Variants in SHC3 observed in about 807,000 individuals in gnomAD.
The protein encoded by SHC3 is SHC adaptor protein 3, also known as SHC-transforming protein 3.
SHC3 carries 15 observed loss-of-function variants against 60.4 expected under a neutral mutation model. The observed-to-expected ratio is 0.25, with a 90% CI of 0.17 to 0.38. The LOEUF is 0.38. Ranked by LOEUF, SHC3 falls within the 10% of genes least tolerant of loss-of-function variation. SHC3 has a pLI of 1.00. For missense variants in SHC3, 677 were observed against 786.1 expected, an observed-to-expected ratio of 0.86 and a Z score of 1.66; for synonymous variants, 294 against 325.9, an observed-to-expected ratio of 0.90 and a Z score of 1.05.
At position 89,056,426 on chromosome 9, in the gene SHC3, A is replaced by G. The variant is rs954463425; in HGVS notation, c.836-4263T>C. Among the ~76,000 whole-genome samples, 6 of 152,098 alleles carry G rather than the reference A, an allele frequency of 3.9e-5. 1 individual carries two copies. The highest frequency in any genetic ancestry group is 1.4e-4 in the African/African-American group (6 of 41,416). ...CACACACAGCTAATTTTTAGTAGAG[A>G]TAGGGTTTCACCATGTTGACCAAGC... On this transcript the variant is annotated intron_variant, in intron 6 of 11. Transcript: ENST00000375835.
At chr9:89,110,011 T>C (rs1825922933) in intron 2 of SHC3, 1 of 985,446 alleles carries the variant, frequency 1.0e-6, no homozygotes, top group Non-Finnish European at 1.2e-6. Flanking sequence ...AACTGCAATA[T>C]ACACATACAC....
At chr9:89,103,642 T>C (rs995335712) in intron 2 of SHC3, among the ~76,000 whole-genome samples, 3 of 152,208 alleles carry the variant, frequency 2.0e-5, no homozygotes, top group African/African-American at 7.2e-5. Context: ...AAAATAAAAA[T>C]GAGAATATCA....
At chr9:89,032,445 G>A (rs975308061) in intron 11 of SHC3, among the ~76,000 whole-genome samples, 19 of 152,136 alleles carry the variant, frequency 1.2e-4, no homozygotes, top group African/African-American at 3.4e-4. Flanking sequence ...TGCCCACCTC[G>A]CTTAGCTGGT....
intron 1 of SHC3, among the ~76,000 whole-genome samples, chr9:89,125,934 T>C (rs947263375): frequency 3.3e-5 from 5 of 152,164 alleles, no homozygotes; most frequent in African/African-American, 1.2e-4. Flanking sequence ...ATAATAGCCA[T>C]TCTTTTATTC....
chr9:89,115,982 A>T (rs1202818037), intron 1 of SHC3, among the ~76,000 whole-genome samples: 2 of 151,970 alleles, frequency 1.3e-5, no homozygotes, highest in Non-Finnish European at 2.9e-5. Context: ...ACCACCACCA[A>T]TGTCACAGTG....
At chr9:89,171,988 G>C (rs1341672806) in intron 1 of SHC3, among the ~76,000 whole-genome samples, 1 of 152,216 alleles carries the variant, frequency 6.6e-6, no homozygotes, top group Non-Finnish European at 1.5e-5. Flanking sequence ...GCCATCCAGA[G>C]CTGAGAAGAT....
rs779028972 is a variant in SHC3 at position 89,075,106 on chromosome 9, TA to T, written c.729+2del. 1 of 1,613,762 alleles carries T rather than the reference TA, an allele frequency of 6.2e-7. No individual in the cohort carries two copies. The highest frequency in any genetic ancestry group is 1.7e-5 in the Admixed American group (1 of 60,016). On this transcript the variant is annotated splice_donor_variant, in intron 4 of 11. Coordinates refer to ENST00000375835, the MANE Select transcript of SHC3 (RefSeq NM_016848.6). LOFTEE classifies it high-confidence loss of function. ...GGGACAGGGGATCTGAGCACCCATGTACCTGTTTGGAGTCCGGAGTTCGCAG... is the reference window on the plus strand; with the variant it reads ...GGGACAGGGGATCTGAGCACCCATGTCCTGTTTGGAGTCCGGAGTTCGCAG...
intron 2 of SHC3, among the ~76,000 whole-genome samples, chr9:89,096,582 C>T (rs1170193307): frequency 6.6e-6 from 1 of 152,134 alleles, no homozygotes; most frequent in Non-Finnish European, 1.5e-5. Flanking sequence ...AAACCCCAAG[C>T]CCTCTTTTTG....
chr9:89,114,126 G>T (rs1825988938), intron 1 of SHC3, among the ~76,000 whole-genome samples: 1 of 152,094 alleles, frequency 6.6e-6, no homozygotes, highest in African/African-American at 2.4e-5. Context: ...CAATGTCATA[G>T]AATTGTGGGA....
intron 1 of SHC3, among the ~76,000 whole-genome samples, chr9:89,177,632 T>C (rs1255411647): frequency 6.6e-6 from 1 of 152,124 alleles, no homozygotes; most frequent in African/African-American, 2.4e-5. Flanking sequence ...GCGCGTTTCC[T>C]AGATACTAGG....
intron 2 of SHC3, among the ~76,000 whole-genome samples, chr9:89,080,734 A>AATATATATAT (rs10591505): frequency 8.3e-5 from 11 of 132,104 alleles, no homozygotes; most frequent in South Asian, 7.2e-4. Flanking sequence ...AACTAGGAAG[A>AATATATATAT]ATATATATAT....
intron 6 of SHC3, among the ~76,000 whole-genome samples, chr9:89,052,522 G>A (rs1046868074): frequency 1.3e-5 from 2 of 152,198 alleles, no homozygotes; most frequent in African/African-American, 4.8e-5. Context: ...GCACGACAAA[G>A]AGCCTGATCT....
chr9:89,043,593 T>A (rs1824723440), intron 9 of SHC3, among the ~76,000 whole-genome samples: 2 of 152,134 alleles, frequency 1.3e-5, no homozygotes, highest in South Asian at 4.1e-4. Flanking sequence ...AGGGACAGTA[T>A]CTGCCAGCAA....
rs112077499 is a variant in SHC3 at position 89,009,489 on chromosome 9, C to A, written c.*3958G>T. The A allele has an allele frequency of 6.6e-6, 1 of 152,158 alleles. No individual in the cohort carries two copies. Among genetic ancestry groups the A allele is most frequent in the Non-Finnish European group, 1.5e-5 (1 of 68,034 alleles). The allele number at this position is 152,158 out of a possible 1,614,324, so 9.4% of individuals were successfully genotyped here. ...GCCAGCGAGAGAGAACCAATGGGCA[C>A]GCTGGGAATGCACAATTTTAGAAAA... On this transcript the variant is annotated 3_prime_UTR_variant, in exon 12 of 12. Transcript: ENST00000375835.
At chr9:89,097,847 A>G (rs1382985304) in intron 2 of SHC3, among the ~76,000 whole-genome samples, 2 of 152,238 alleles carry the variant, frequency 1.3e-5, no homozygotes, top group Non-Finnish European at 2.9e-5. Context: ...TTTTTCAATA[A>G]TAAATAAAAA....
At chr9:89,154,450 C>T (rs920937654) in intron 1 of SHC3, among the ~76,000 whole-genome samples, 1 of 152,170 alleles carries the variant, frequency 6.6e-6, no homozygotes, top group African/African-American at 2.4e-5. Flanking sequence ...GGGGATGCCC[C>T]ACGGTGTTTT....
At chr9:89,056,948 C>T (rs1225780376) in intron 6 of SHC3, among the ~76,000 whole-genome samples, 1 of 152,256 alleles carries the variant, frequency 6.6e-6, no homozygotes, top group Non-Finnish European at 1.5e-5. Flanking sequence ...CTTCATGGGT[C>T]CCAGGTGCTG....
intron 7 of SHC3, among the ~76,000 whole-genome samples, chr9:89,051,102 G>A (rs932081489): frequency 6.6e-6 from 1 of 152,148 alleles, no homozygotes; most frequent in Admixed American, 6.5e-5. Context: ...ACTGAGAAGG[G>A]AGATGAAAGA....
At chr9:89,115,483 T>C (rs2118124118) in intron 1 of SHC3, among the ~76,000 whole-genome samples, 1 of 152,280 alleles carries the variant, frequency 6.6e-6, no homozygotes, top group East Asian at 1.9e-4. Flanking sequence ...ATGGCAAATG[T>C]CATGGGTTCA....
Sources: gnomAD v4.1 joint callset for allele counts (sites outside exome capture counted in the v4.1 genomes callset) on GRCh38, gnomAD v4.1.1 for gene constraint, MANE v1.5 for transcripts, NCBI Gene and HGNC (gene_info 2026-07-23, HGNC 2026-07-21) for gene names.